Variants in RGS7 observed in about 807,000 individuals in gnomAD.
RGS7 encodes the protein regulator of G protein signaling 7, also known as regulator of G-protein signaling 7.
RGS7 carries 27 observed loss-of-function variants against 81.1 expected under a neutral mutation model. The ratio of observed to expected loss-of-function variants is 0.33; its 90% CI spans 0.25 to 0.46. The LOEUF (loss-of-function observed/expected upper bound fraction) is 0.46, where lower values mean the gene tolerates loss of function less well. Among genes scored for constraint, RGS7 ranks in the 20% least tolerant of loss-of-function variants. The pLI, the probability that RGS7 is intolerant of heterozygous loss-of-function variation, is 1.00. For synonymous variants in RGS7, 208 were observed against 207.7 expected, an observed-to-expected ratio of 1.00 and a Z score of -0.01; for missense variants, 396 against 607.4, an observed-to-expected ratio of 0.65 and a Z score of 3.66.
chr1:241,148,692 G>C (rs1210498207), intron 2 of RGS7, among the ~76,000 whole-genome samples: 2 of 152,210 alleles, frequency 1.3e-5, no homozygotes, highest in Admixed American at 6.5e-5. Context: ...TTGCTAACCA[G>C]CTGGGTCAAG....
At chr1:240,825,316 T>C (rs1029832468) in intron 10 of RGS7, among the ~76,000 whole-genome samples, 11 of 152,182 alleles carry the variant, frequency 7.2e-5, no homozygotes, top group Non-Finnish European at 1.3e-4. Context: ...AAAGTATCAG[T>C]GGTGATACTT....
chr1:240,811,092 A>C (rs1272147651), intron 14 of RGS7, among the ~76,000 whole-genome samples: 1 of 152,222 alleles, frequency 6.6e-6, no homozygotes, highest in Non-Finnish European at 1.5e-5. Flanking sequence ...CGTTCCAATG[A>C]AAATAAATGA....
At chr1:241,355,575 T>C (rs2083510446) in intron 2 of RGS7, 124 bp downstream of exon 2, 3 of 848,108 alleles carry the variant, frequency 3.5e-6, no homozygotes, top group Non-Finnish European at 6.1e-6. Flanking sequence ...ATATAGTACA[T>C]AATCACTGAT....
At chr1:240,939,896 C>T (rs886552895) in intron 4 of RGS7, among the ~76,000 whole-genome samples, 1 of 151,880 alleles carries the variant, frequency 6.6e-6, no homozygotes, top group African/African-American at 2.4e-5. Context: ...CCTGGTGAAC[C>T]CCGTCTCTAC....
rs1416595703 is a variant in RGS7, at chr1:241,290,886, C to T, written c.78+64813G>A. ...ATACGAACTCTACTTTTTAATATGG[C>T]ATTACAACTTACAAGATTTGTATGT... is the stretch of plus-strand genomic sequence containing the variant. On this transcript the variant is annotated intron_variant, in intron 2 of 18. Transcript: ENST00000440928. 2.6e-5 allele frequency among the ~76,000 whole-genome samples: 4 copies of T among 152,140 alleles called. No individual in the cohort carries two copies. In the East Asian group the frequency reaches 7.7e-4, roughly 29 times the overall value.
At chr1:240,876,332 G>T (rs1665411042) in intron 6 of RGS7, among the ~76,000 whole-genome samples, 1 of 152,110 alleles carries the variant, frequency 6.6e-6, no homozygotes, top group Non-Finnish European at 1.5e-5. Flanking sequence ...GGAAGCAATG[G>T]CTCCCAACAT....
intron 6 of RGS7, among the ~76,000 whole-genome samples, chr1:240,896,768 C>T (rs1669161368): frequency 6.6e-6 from 1 of 152,126 alleles, no homozygotes; most frequent in South Asian, 2.1e-4. Context: ...GCAATGTGGG[C>T]TCTTTTTTGG....
intron 2 of RGS7, among the ~76,000 whole-genome samples, chr1:241,260,025 T>C (rs1191692338): frequency 6.6e-6 from 1 of 152,166 alleles, no homozygotes; most frequent in Non-Finnish European, 1.5e-5. Flanking sequence ...CTTCCAGTCC[T>C]ATATTCTTTA....
chr1:241,079,301 T>C (rs1558685803), intron 3 of RGS7, among the ~76,000 whole-genome samples: 2 of 152,202 alleles, frequency 1.3e-5, no homozygotes, highest in South Asian at 4.1e-4. Context: ...TAACATTTTC[T>C]GAATGTCTAC....
At chr1:241,011,830 C>A (rs906502591) in intron 3 of RGS7, among the ~76,000 whole-genome samples, 6 of 152,116 alleles carry the variant, frequency 3.9e-5, no homozygotes, top group African/African-American at 1.4e-4. Context: ...ACCCATGTAG[C>A]ACAACACATG....
intron 2 of RGS7, among the ~76,000 whole-genome samples, chr1:241,289,191 G>C (rs2078970734): frequency 6.6e-6 from 1 of 152,202 alleles, no homozygotes; most frequent in East Asian, 1.9e-4. Flanking sequence ...CAAGCCTTCT[G>C]TGATCCAGCT....
chr1:241,226,481 A>G (rs556029481), intron 2 of RGS7, among the ~76,000 whole-genome samples: 1 of 152,190 alleles, frequency 6.6e-6, no homozygotes, highest in Admixed American at 6.5e-5. Flanking sequence ...CTTCCTTCAT[A>G]CAGTCCACCT....
chr1:240,892,023 TATC>T (rs1299478560), intron 6 of RGS7, among the ~76,000 whole-genome samples: 1 of 152,208 alleles, frequency 6.6e-6, no homozygotes, highest in Non-Finnish European at 1.5e-5. Flanking sequence ...GGGAGGATCT[TATC>T]ATCACTGAGC....
intron 2 of RGS7, among the ~76,000 whole-genome samples, chr1:241,124,464 A>AT (rs2066511889): frequency 3.3e-5 from 5 of 152,238 alleles, no homozygotes; most frequent in Admixed American, 3.3e-4. Context: ...ATCAAGCTTT[A>AT]TAAAAGCATT....
intron 3 of RGS7, among the ~76,000 whole-genome samples, chr1:241,008,175 A>C (rs1381421312): frequency 2.0e-5 from 3 of 152,194 alleles, no homozygotes; most frequent in Non-Finnish European, 2.9e-5. Context: ...ACTGTCCTTC[A>C]AAAAAGACCA....
intron 2 of RGS7, among the ~76,000 whole-genome samples, chr1:241,178,882 A>G (rs2071372678): frequency 6.6e-6 from 1 of 152,198 alleles, no homozygotes; most frequent in Non-Finnish European, 1.5e-5. Flanking sequence ...TCCTATTGTA[A>G]GATTGATATG....
intron 16 of RGS7, among the ~76,000 whole-genome samples, chr1:240,802,459 A>G (rs1361519771): frequency 2.0e-5 from 3 of 152,188 alleles, no homozygotes; most frequent in Admixed American, 2.0e-4. Flanking sequence ...ACATTCCGAC[A>G]TTTTGTCATC....
rs572387343 is a variant in RGS7 at position 240,798,220 on chromosome 1, A to C, written c.*6+2421T>G. ...GGAGTCTATATTTTTTGGAAAATTG[A>C]AAGTGCAATGCAATCCTCAGCTGTT... On this transcript the variant is annotated intron_variant, in intron 18 of 18. Transcript: ENST00000440928. 2.0e-5 allele frequency among the ~76,000 whole-genome samples: 3 copies of C among 152,338 alleles called. No homozygotes were observed. The East Asian group carries it at 5.8e-4, about 29-fold the overall frequency.
At chr1:240,893,567 A>G (rs72756823) in intron 6 of RGS7, among the ~76,000 whole-genome samples, 19,395 of 152,048 alleles carry the variant, frequency 0.13, 1,358 homozygotes, top group Middle Eastern at 0.18. Flanking sequence ...GCCTTCCCTT[A>G]TTAGAAAAAT....
Sources: gnomAD v4.1 joint callset for allele counts (sites outside exome capture counted in the v4.1 genomes callset) on GRCh38, gnomAD v4.1.1 for gene constraint, MANE v1.5 for transcripts, NCBI Gene and HGNC (gene_info 2026-07-23, HGNC 2026-07-21) for gene names.